Variants in TMEM108 observed in about 807,000 individuals in gnomAD.
The protein encoded by TMEM108 is transmembrane protein 108.
A neutral mutation model predicts 35.1 loss-of-function variants in TMEM108; 12 were observed. That is an observed-to-expected ratio of 0.34 (90% CI 0.22 to 0.55). TMEM108 has a LOEUF of 0.55. TMEM108 is among the 20% of genes least tolerant of loss of function. The pLI, the probability that TMEM108 is intolerant of heterozygous loss-of-function variation, is 0.89. For synonymous variants in TMEM108, 287 were observed against 308.6 expected, an observed-to-expected ratio of 0.93 and a Z score of 0.73; for missense variants, 680 against 753.3, an observed-to-expected ratio of 0.90 and a Z score of 1.14.
chr3:133,339,723 A>G (rs2071606186), intron 3 of TMEM108, among the ~76,000 whole-genome samples: 1 of 151,920 alleles, frequency 6.6e-6, no homozygotes, highest in Non-Finnish European at 1.5e-5. Flanking sequence ...GTCTTAAAAC[A>G]TCCAAAAAAT....
intron 3 of TMEM108, among the ~76,000 whole-genome samples, chr3:133,356,725 C>T (rs1286465517): frequency 2.6e-5 from 4 of 152,172 alleles, no homozygotes; most frequent in African/African-American, 7.2e-5. Flanking sequence ...GGGGAAAAGA[C>T]ACCCTATTTA....
intron 3 of TMEM108, among the ~76,000 whole-genome samples, chr3:133,340,399 C>T (rs2071623883): frequency 6.6e-6 from 1 of 151,712 alleles, no homozygotes; most frequent in Non-Finnish European, 1.5e-5. Flanking sequence ...AAATCCAAAA[C>T]TTGAACGGAC....
chr3:133,218,516 A>G (rs547061962), intron 2 of TMEM108, among the ~76,000 whole-genome samples: 1 of 151,866 alleles, frequency 6.6e-6, no homozygotes, highest in African/African-American at 2.4e-5. Context: ...ACATTGTTGC[A>G]TATGTTAGCT....
chr3:133,119,978 G>A (rs1021386787), intron 2 of TMEM108, among the ~76,000 whole-genome samples: 25 of 152,192 alleles, frequency 1.6e-4, no homozygotes, highest in African/African-American at 5.6e-4. Flanking sequence ...CTTGGACTTA[G>A]AGAAGACCTG....
At chr3:133,125,357 C>G (rs1944401789) in intron 2 of TMEM108, among the ~76,000 whole-genome samples, 1 of 152,168 alleles carries the variant, frequency 6.6e-6, no homozygotes, top group Non-Finnish European at 1.5e-5. Flanking sequence ...TAACAAGCAC[C>G]CTGTGCATCT....
intron 3 of TMEM108, among the ~76,000 whole-genome samples, chr3:133,267,347 C>T (rs1284586359): frequency 6.6e-6 from 1 of 152,158 alleles, no homozygotes; most frequent in Non-Finnish European, 1.5e-5. Context: ...GGCATCATGG[C>T]AGCCCAGCGG....
Position 133,189,870 on chromosome 3 carries a change from A to G in TMEM108, c.-46-39396A>G, listed in dbSNP as rs144239117. ...GCATGTGAGTTTTTGGCTTGTATAT[A>G]TAAATTTTCATCAAATCCTTCAGCA... On this transcript the variant is annotated intron_variant, in intron 2 of 5. Coordinates refer to ENST00000321871, the MANE Select transcript of TMEM108 (RefSeq NM_023943.4). 7.5e-3 allele frequency among the ~76,000 whole-genome samples: 1,145 copies of G among 152,334 alleles called. 18 individuals are homozygous for G. Among genetic ancestry groups the G allele is most frequent in the African/African-American group, 0.026 (1,085 of 41,564 alleles).
At chr3:133,275,679 G>T (rs924816675) in intron 3 of TMEM108, among the ~76,000 whole-genome samples, 1 of 151,948 alleles carries the variant, frequency 6.6e-6, no homozygotes, top group Non-Finnish European at 1.5e-5. Context: ...TACCCCAGGG[G>T]GATCTGGAGC....
At chr3:133,289,414 CTG>C (rs1226155985) in intron 3 of TMEM108, among the ~76,000 whole-genome samples, 2 of 152,316 alleles carry the variant, frequency 1.3e-5, no homozygotes, top group South Asian at 4.1e-4. Context: ...AGTGAACTGA[CTG>C]TGGATGGAAG....
chr3:133,320,084 A>G (rs1287299220), intron 3 of TMEM108, among the ~76,000 whole-genome samples: 1 of 152,186 alleles, frequency 6.6e-6, no homozygotes, highest in African/African-American at 2.4e-5. Flanking sequence ...CCTGGGCAAC[A>G]TAGACTCCAT....
At chr3:133,364,661 A>G (rs990038727) in intron 3 of TMEM108, among the ~76,000 whole-genome samples, 1 of 152,224 alleles carries the variant, frequency 6.6e-6, no homozygotes, top group Non-Finnish European at 1.5e-5. Context: ...AAATCCTTAA[A>G]GGGATGTTAA....
At chr3:133,131,868 G>A (rs996889668) in intron 2 of TMEM108, among the ~76,000 whole-genome samples, 2 of 152,046 alleles carry the variant, frequency 1.3e-5, no homozygotes, top group African/African-American at 4.8e-5. Flanking sequence ...TAGGGAGAAA[G>A]TTTTAGTGAT....
chr3:133,201,311 T>C (rs1002466842), intron 2 of TMEM108, among the ~76,000 whole-genome samples: 1 of 151,768 alleles, frequency 6.6e-6, no homozygotes, highest in East Asian at 1.9e-4. Context: ...AAAAAAAAAA[T>C]TTATACTTTA....
intron 2 of TMEM108, among the ~76,000 whole-genome samples, chr3:133,066,598 G>A (rs1943611304): frequency 6.6e-6 from 1 of 152,092 alleles, no homozygotes; most frequent in African/African-American, 2.4e-5. Flanking sequence ...GATATCCTTA[G>A]TATAGGAGCA....
intron 2 of TMEM108, among the ~76,000 whole-genome samples, chr3:133,189,731 A>G (rs1032884661): frequency 2.0e-5 from 3 of 152,208 alleles, no homozygotes; most frequent in African/African-American, 7.2e-5. Context: ...TTCTCAACTC[A>G]AGTTGGTTCT....
chr3:133,182,137 A>G (rs1007719871), intron 2 of TMEM108, among the ~76,000 whole-genome samples: 1 of 152,210 alleles, frequency 6.6e-6, no homozygotes, highest in South Asian at 2.1e-4. Context: ...GTCAAGATTA[A>G]TAATTTCTAC....
chr3:133,302,929 T>C (rs548860410), intron 3 of TMEM108, among the ~76,000 whole-genome samples: 1 of 152,166 alleles, frequency 6.6e-6, no homozygotes, highest in Non-Finnish European at 1.5e-5. Flanking sequence ...TGGTGAACCC[T>C]AAGTCTGAAG....
chr3:133,174,621 C>T (rs1945183081), intron 2 of TMEM108, among the ~76,000 whole-genome samples: 1 of 152,184 alleles, frequency 6.6e-6, no homozygotes, highest in Non-Finnish European at 1.5e-5. Context: ...AGGGTCCTGA[C>T]TGTTAGAAGG....
chr3:133,071,154 T>C (rs1330083891), intron 2 of TMEM108, among the ~76,000 whole-genome samples: 4 of 152,182 alleles, frequency 2.6e-5, no homozygotes, highest in African/African-American at 9.6e-5. Flanking sequence ...ACCCATATAC[T>C]CTTTACTCAC....
Sources: allele counts gnomAD v4.1 joint callset (sites outside exome capture counted in the v4.1 genomes callset), GRCh38; gene constraint gnomAD v4.1.1; transcripts MANE v1.5; gene names NCBI Gene and HGNC (gene_info 2026-07-23, HGNC 2026-07-21).